Variants in CRTAC1 observed in about 807,000 individuals in gnomAD.
CRTAC1 encodes cartilage acidic protein 1, also known as acidic secreted protein in cartilage.
Under a neutral mutation model 67.8 loss-of-function variants are expected in CRTAC1, and 37 were observed. The ratio of observed to expected loss-of-function variants is 0.55; its 90% CI spans 0.42 to 0.72. The LOEUF (loss-of-function observed/expected upper bound fraction) is 0.72. Among genes scored for constraint, CRTAC1 ranks in the 30% least tolerant of loss-of-function variants. The probability of loss-of-function intolerance (pLI) is 0.00; values close to 1 mark genes in which losing one functional copy is unlikely to be tolerated. For synonymous variants in CRTAC1, 348 were observed against 371.0 expected (o/e 0.94, Z 0.71); for missense variants, 780 against 931.6 (o/e 0.84, Z 2.12).
rs759932257 is a variant in CRTAC1 at position 97,978,940 on chromosome 10, A to T, written c.224+32198T>A. Among the ~76,000 whole-genome samples the T allele has an allele frequency of 8.5e-5, 13 of 152,168 alleles. No individual in the cohort carries two copies. The South Asian group carries it at 2.3e-3, about 27-fold the overall frequency. ...CTGGCATTTAGCAGGCATCATATGC[A>T]TCTTGCCCAGTGATTTGATGAATTC... is the stretch of plus-strand genomic sequence containing the variant. On this transcript the variant is annotated intron_variant, in intron 2 of 14. Coordinates refer to ENST00000370597, the MANE Select transcript of CRTAC1 (RefSeq NM_018058.7).
chr10:97,957,462 T>C (rs1404700464), intron 2 of CRTAC1, among the ~76,000 whole-genome samples: 1 of 152,166 alleles, frequency 6.6e-6, no homozygotes, highest in Non-Finnish European at 1.5e-5. Context: ...TCTCATTCAA[T>C]CCTCATGCTC....
chr10:97,980,947 A>T (rs1402494051), intron 2 of CRTAC1, among the ~76,000 whole-genome samples: 7 of 152,224 alleles, frequency 4.6e-5, no homozygotes, highest in Admixed American at 1.3e-4. Flanking sequence ...ATTGAGGAAC[A>T]TGTTTCCAAT....
At chr10:98,009,304 A>C (rs1471680116) in intron 2 of CRTAC1, among the ~76,000 whole-genome samples, 1 of 152,210 alleles carries the variant, frequency 6.6e-6, no homozygotes, top group African/African-American at 2.4e-5. Context: ...GGTGGATTCC[A>C]TACTGGACAG....
At chr10:97,948,889 G>A (rs1361167036) in intron 2 of CRTAC1, among the ~76,000 whole-genome samples, 1 of 150,096 alleles carries the variant, frequency 6.7e-6, no homozygotes, top group African/African-American at 2.4e-5. Context: ...AGAGATAAGT[G>A]CAGAGCAAGG....
rs2050170301 is a variant in CRTAC1, at chr10:97,878,345, T to C, written c.1819+1904A>G. 3.9e-5 allele frequency: 7 copies of C among 179,668 alleles called. No homozygotes were observed. In the South Asian group the frequency reaches 7.5e-4, roughly 19 times the overall value. 11.1% of individuals were successfully genotyped at this position (179,668 alleles called of 1,614,324 possible). ...TGTAGCTGTTTTAATTTAAAAACTT[T>C]TCATTTATGCTTCTGTTCTAAGTGT... On this transcript the variant is annotated intron_variant, in intron 14 of 14. Coordinates refer to ENST00000370597, the MANE Select transcript of CRTAC1 (RefSeq NM_018058.7).
intron 2 of CRTAC1, among the ~76,000 whole-genome samples, chr10:97,969,782 G>A (rs1462170978): frequency 6.6e-6 from 1 of 152,096 alleles, no homozygotes; most frequent in African/African-American, 2.4e-5. Context: ...AGCAAAGGGT[G>A]CAAATGGTTG....
intron 1 of CRTAC1, among the ~76,000 whole-genome samples, chr10:98,011,812 G>A (rs1305559346): frequency 1.3e-5 from 2 of 152,164 alleles, no homozygotes; most frequent in African/African-American, 2.4e-5. Context: ...GAGATGGGGA[G>A]GGAAAGGTAT....
intron 11 of CRTAC1, 174 bp from the exon 12 acceptor site, chr10:97,884,525 C>A: frequency 1.6e-6 from 1 of 635,436 alleles, no homozygotes; most frequent in South Asian, 2.0e-5. Context: ...TGGAGCAATG[C>A]TGTCCAATAG....
chr10:97,939,498 C>T (rs996623582), intron 2 of CRTAC1, among the ~76,000 whole-genome samples: 3 of 152,162 alleles, frequency 2.0e-5, no homozygotes, highest in African/African-American at 7.2e-5. Flanking sequence ...GCCAGACCAA[C>T]AGCTCCTAGG....
chr10:97,988,264 G>A (rs1006594514), intron 2 of CRTAC1, among the ~76,000 whole-genome samples: 22 of 152,062 alleles, frequency 1.4e-4, no homozygotes, highest in African/African-American at 4.8e-4. Flanking sequence ...TTTTTGGGGT[G>A]GGGAGGGGTG....
At chr10:97,974,469 G>A (rs989670340) in intron 2 of CRTAC1, among the ~76,000 whole-genome samples, 2 of 152,220 alleles carry the variant, frequency 1.3e-5, no homozygotes, top group African/African-American at 4.8e-5. Context: ...CGCGTAGAGC[G>A]TCTGAATAGA....
intron 8 of CRTAC1, among the ~76,000 whole-genome samples, chr10:97,900,509 CGT>C (rs1564884960): frequency 2.1e-4 from 29 of 139,132 alleles, no homozygotes; most frequent in African/African-American, 7.4e-4. Context: ...GATTGGAGCC[CGT>C]AGCCCCTTTT....
chr10:98,024,795 C>T (rs1248988194), intron 1 of CRTAC1, among the ~76,000 whole-genome samples: 8 of 118,514 alleles, frequency 6.8e-5, no homozygotes, highest in Non-Finnish European at 1.3e-4. Flanking sequence ...CACCTCTCCA[C>T]CACACACACA....
chr10:97,879,848 A>ATGGG, intron 14 of CRTAC1: 1 of 264,136 alleles, frequency 3.8e-6, no homozygotes, highest in Non-Finnish European at 6.8e-6. Flanking sequence ...AAAAAGAGAA[A>ATGGG]GGGGGTGGGG....
At chr10:97,894,761 T>C (rs1263942983) in intron 11 of CRTAC1, among the ~76,000 whole-genome samples, 1 of 95,686 alleles carries the variant, frequency 1.0e-5, no homozygotes, top group Non-Finnish European at 2.1e-5. Context: ...TATATATATA[T>C]ATATGATAGG....
At chr10:97,959,788 A>G (rs2051496187) in intron 2 of CRTAC1, among the ~76,000 whole-genome samples, 1 of 152,096 alleles carries the variant, frequency 6.6e-6, no homozygotes, top group Non-Finnish European at 1.5e-5. Context: ...CTGGCTCTAG[A>G]TCTCTTCTTC....
intron 3 of CRTAC1, 45 bp from the exon 4 acceptor site, chr10:97,923,445 G>A (rs1224953699): frequency 3.1e-6 from 5 of 1,611,898 alleles, no homozygotes; most frequent in Non-Finnish European, 4.2e-6. Flanking sequence ...GTGGATCAGG[G>A]TCTTGGTTCT....
chr10:98,005,124 G>GTTTTTT (rs1842765649), intron 2 of CRTAC1, among the ~76,000 whole-genome samples: 1 of 29,954 alleles, frequency 3.3e-5, no homozygotes, highest in African/African-American at 1.9e-4. Flanking sequence ...TTTTTTTTGA[G>GTTTTTT]ATGGAGCTTT....
intron 14 of CRTAC1, among the ~76,000 whole-genome samples, chr10:97,878,081 C>T (rs1277202287): frequency 6.6e-6 from 1 of 152,226 alleles, no homozygotes; most frequent in Non-Finnish European, 1.5e-5. Context: ...AGGGAATAGT[C>T]TGAACAGTGA....
Sources: allele counts gnomAD v4.1 joint callset (sites outside exome capture counted in the v4.1 genomes callset), GRCh38; gene constraint gnomAD v4.1.1; transcripts MANE v1.5; gene names NCBI Gene and HGNC (gene_info 2026-07-23, HGNC 2026-07-21).